Variants in DLGAP1 observed in about 807,000 individuals in gnomAD.
DLGAP1 encodes the protein DLG associated protein 1.
In DLGAP1, 11 loss-of-function variants were observed where a neutral mutation model predicts 90.8. The observed-to-expected ratio is 0.12, with a 90% CI of 0.08 to 0.20. DLGAP1 has a LOEUF of 0.20. Among genes scored for constraint, DLGAP1 ranks in the 10% least tolerant of loss-of-function variants. The pLI is 1.00. For synonymous variants in DLGAP1, 558 were observed against 540.7 expected, an observed-to-expected ratio of 1.03 and a Z score of -0.44; for missense variants, 1,050 against 1,333.8, an observed-to-expected ratio of 0.79 and a Z score of 3.31.
intron 7 of DLGAP1, among the ~76,000 whole-genome samples, chr18:3,595,172 C>T: frequency 6.6e-6 from 1 of 152,180 alleles, no homozygotes; most frequent in East Asian, 1.9e-4. Flanking sequence ...GAGAGGGCAC[C>T]CATTGAGAGG....
intron 3 of DLGAP1, among the ~76,000 whole-genome samples, chr18:3,981,901 T>C (rs907264582): frequency 4.6e-5 from 7 of 152,204 alleles, no homozygotes; most frequent in Non-Finnish European, 7.3e-5. Flanking sequence ...AACACATACT[T>C]TTCATTGCTA....
chr18:3,590,049 T>C (rs1363017578), intron 7 of DLGAP1, among the ~76,000 whole-genome samples: 1 of 152,206 alleles, frequency 6.6e-6, no homozygotes, highest in Non-Finnish European at 1.5e-5. Context: ...TAGCTGGGAT[T>C]ACAGGCATGT....
chr18:3,541,737 T>C (rs2052703470), intron 9 of DLGAP1, among the ~76,000 whole-genome samples: 1 of 152,212 alleles, frequency 6.6e-6, no homozygotes, highest in African/African-American at 2.4e-5. Context: ...AGAGATCTTT[T>C]ATAGTAGCTG....
chr18:3,644,401 T>TTTATTTATTTATTTA (rs1555613021), intron 7 of DLGAP1, among the ~76,000 whole-genome samples: 84 of 150,788 alleles, frequency 5.6e-4, no homozygotes, highest in African/African-American at 1.9e-3. Flanking sequence ...TACTATTTTA[T>TTTATTTATTTATTTA]TTTATTTATT....
chr18:3,568,903 G>A (rs1440183636), intron 8 of DLGAP1, among the ~76,000 whole-genome samples: 3 of 151,556 alleles, frequency 2.0e-5, no homozygotes, highest in South Asian at 2.1e-4. Flanking sequence ...AGCCAGGATG[G>A]TCTCGATCTC....
chr18:4,021,108 G>A (rs1007144288), intron 2 of DLGAP1, among the ~76,000 whole-genome samples: 3 of 152,096 alleles, frequency 2.0e-5, no homozygotes, highest in African/African-American at 4.8e-5. Flanking sequence ...TAAAAACTCC[G>A]ATCCCCAAGT....
Position 3,999,669 on chromosome 18 carries a change from A to G in DLGAP1, c.-73+5447T>C, listed in dbSNP as rs2074141094. On this transcript the variant is annotated intron_variant, in intron 3 of 12. Transcript: ENST00000315677. ...TAAAGTAATTTGATATTGCCACTAA[A>G]TTCAAGCATATGATTTTGTATATTT... 1.3e-5 allele frequency among the ~76,000 whole-genome samples: 2 copies of G among 151,560 alleles called. 1 individual carries two copies. The highest frequency in any genetic ancestry group is 2.9e-5 in the Non-Finnish European group (2 of 67,990).
intron 1 of DLGAP1, among the ~76,000 whole-genome samples, chr18:4,255,448 G>GTA (rs1160719096): frequency 6.7e-6 from 1 of 149,924 alleles, no homozygotes; most frequent in East Asian, 1.9e-4. Flanking sequence ...GCAACTCTAT[G>GTA]TATATACAGC....
intron 5 of DLGAP1, among the ~76,000 whole-genome samples, chr18:3,804,243 C>T (rs1282398303): frequency 6.6e-6 from 1 of 152,036 alleles, no homozygotes; most frequent in Non-Finnish European, 1.5e-5. Flanking sequence ...CCCTGGCCTC[C>T]CAAAGTGCTG....
At chr18:4,237,283 T>C (rs1164288199) in intron 1 of DLGAP1, among the ~76,000 whole-genome samples, 1 of 152,218 alleles carries the variant, frequency 6.6e-6, no homozygotes, top group Admixed American at 6.5e-5. Flanking sequence ...TTGCTAGTAA[T>C]ATTCATTCCC....
intron 7 of DLGAP1, among the ~76,000 whole-genome samples, chr18:3,693,962 T>C (rs1295976162): frequency 2.0e-5 from 3 of 152,132 alleles, no homozygotes; most frequent in Non-Finnish European, 4.4e-5. Context: ...CCATGTGCCA[T>C]GGTGGTTAGC....
intron 1 of DLGAP1, among the ~76,000 whole-genome samples, chr18:4,402,482 G>C (rs1464280698): frequency 2.0e-5 from 3 of 152,122 alleles, no homozygotes; most frequent in Non-Finnish European, 2.9e-5. Flanking sequence ...TGCTCTTCAA[G>C]AAAACTATGG....
chr18:4,025,393 A>T (rs920214970), intron 2 of DLGAP1, among the ~76,000 whole-genome samples: 32 of 152,150 alleles, frequency 2.1e-4, no homozygotes, highest in African/African-American at 7.0e-4. Context: ...TGGGATGCTG[A>T]TCTGGTAAGT....
intron 10 of DLGAP1, among the ~76,000 whole-genome samples, chr18:3,514,318 G>A (rs2050707542): frequency 6.6e-6 from 1 of 152,004 alleles, no homozygotes; most frequent in Non-Finnish European, 1.5e-5. Flanking sequence ...CTAACTCCAC[G>A]ATCATCAGAC....
At chr18:4,064,150 G>A (rs1295329547) in intron 2 of DLGAP1, among the ~76,000 whole-genome samples, 3 of 151,736 alleles carry the variant, frequency 2.0e-5, no homozygotes, top group Non-Finnish European at 4.4e-5. Context: ...TACTACTTAG[G>A]TTTTGTCTTT....
In DLGAP1 at chr18:3,564,921, T is replaced by C. The variant is rs553349849; in HGVS notation, c.2057+2569A>G. On this transcript the variant is annotated intron_variant, in intron 9 of 12. Transcript: ENST00000315677. ...TTGTTGAGATTTTTACTTGCTAAGA[T>C]GGAGTGGTGACTTCCGAGTTCCTTT... Among the ~76,000 whole-genome samples, 20 of 152,338 alleles carry C rather than the reference T, an allele frequency of 1.3e-4. No individual in the cohort carries two copies. The South Asian group carries it at 4.1e-3, about 32-fold the overall frequency.
At chr18:4,091,670 CTG>C (rs1568391298) in intron 2 of DLGAP1, among the ~76,000 whole-genome samples, 1 of 152,162 alleles carries the variant, frequency 6.6e-6, no homozygotes, top group Non-Finnish European at 1.5e-5. Flanking sequence ...ATCAAGGACA[CTG>C]TTCATGTTTG....
At chr18:4,347,592 C>T (rs181848207) in intron 1 of DLGAP1, among the ~76,000 whole-genome samples, 1 of 151,956 alleles carries the variant, frequency 6.6e-6, no homozygotes, top group African/African-American at 2.4e-5. Flanking sequence ...TCCATATATG[C>T]TGAAAGGCCT....
intron 7 of DLGAP1, among the ~76,000 whole-genome samples, chr18:3,657,072 C>T (rs2059519182): frequency 6.6e-6 from 1 of 152,092 alleles, no homozygotes; most frequent in Non-Finnish European, 1.5e-5. Context: ...GGTGAAAATA[C>T]CAAACTAAGA....
Sources: allele counts gnomAD v4.1 joint callset (sites outside exome capture counted in the v4.1 genomes callset), GRCh38; gene constraint gnomAD v4.1.1; transcripts MANE v1.5; gene names NCBI Gene and HGNC (gene_info 2026-07-23, HGNC 2026-07-21).